The following MEGF10 variants were observed in gnomAD, a reference collection of about 807,000 sequenced individuals.
MEGF10 encodes the protein multiple EGF like domains 10.
In MEGF10, 86 loss-of-function variants were observed where a neutral mutation model predicts 147.5. The observed-to-expected ratio is 0.58, with a 90% CI of 0.49 to 0.70. MEGF10 has a LOEUF of 0.70. MEGF10 is among the 30% of genes least tolerant of loss of function. The pLI, the probability that MEGF10 is intolerant of heterozygous loss-of-function variation, is 0.00. For missense variants in MEGF10, 1,329 were observed against 1,487.3 expected (o/e 0.89, Z 1.75); for synonymous variants, 478 against 525.5 (o/e 0.91, Z 1.24).
intron 4 of MEGF10, among the ~76,000 whole-genome samples, chr5:127,364,489 T>C (rs1354807066): frequency 6.6e-6 from 1 of 152,240 alleles, no homozygotes; most frequent in African/African-American, 2.4e-5. Context: ...CAGTCTGCCA[T>C]CTTAATATAC....
intron 4 of MEGF10, among the ~76,000 whole-genome samples, chr5:127,348,551 G>A (rs554185389): frequency 6.6e-6 from 1 of 152,232 alleles, no homozygotes; most frequent in South Asian, 2.1e-4. Flanking sequence ...GCTTCTATAT[G>A]TGTAGGTGGG....
At chr5:127,235,582 T>C in the MEGF10 span, among the ~76,000 whole-genome samples, 1 of 152,258 alleles carries the variant, frequency 6.6e-6, no homozygotes, top group Non-Finnish European at 1.5e-5. Flanking sequence ...TCTGCAGCTC[T>C]CTGCGGTAAT....
At chr5:127,365,484 C>A (rs1762619413) in intron 4 of MEGF10, among the ~76,000 whole-genome samples, 1 of 152,204 alleles carries the variant, frequency 6.6e-6, no homozygotes, top group Admixed American at 6.5e-5. Context: ...GATTTAGGAA[C>A]TGAGACTGAA....
chr5:127,380,545 T>G (rs1763212369), intron 5 of MEGF10, among the ~76,000 whole-genome samples: 1 of 149,530 alleles, frequency 6.7e-6, no homozygotes, highest in Admixed American at 6.7e-5. Context: ...TGAGATGGAG[T>G]CTCGCATTGT....
intron 1 of MEGF10, among the ~76,000 whole-genome samples, chr5:127,308,583 A>G (rs1760118185): frequency 6.6e-6 from 1 of 152,184 alleles, no homozygotes; most frequent in African/African-American, 2.4e-5. Flanking sequence ...TGAAGCTGGA[A>G]ACCATCATTC....
At chr5:127,357,643 GGAGA>G (rs968368743) in intron 4 of MEGF10, among the ~76,000 whole-genome samples, 14 of 144,444 alleles carry the variant, frequency 9.7e-5, no homozygotes, top group South Asian at 4.4e-4. Flanking sequence ...TTTAAAAACA[GGAGA>G]AAGAAAAAAA....
chr5:127,426,262 C>G (rs1041138396), intron 13 of MEGF10, among the ~76,000 whole-genome samples: 1 of 152,096 alleles, frequency 6.6e-6, no homozygotes, highest in African/African-American at 2.4e-5. Context: ...GGAACTGAGG[C>G]TTTTTTATTT....
In MEGF10 at chr5:127,435,374, C is replaced by A. The variant is rs372838715; in HGVS notation, c.1989C>A (p.Gly663=). 1.2e-6 allele frequency: 2 copies of A among 1,613,808 alleles called. No homozygotes were observed. The highest frequency in any genetic ancestry group is 2.7e-5 in the African/African-American group (2 of 74,912). Residue 663 remains glycine (G), a synonymous_variant, in exon 16 of 25, where the codon GGC becomes GGA. Coordinates refer to ENST00000503335, the MANE Select transcript of MEGF10 (RefSeq NM_001256545.2). ...GCTTATTCACAGTGTGTCCCAGTGG[C>A]AGATTTGGGAAAAACTGTGCAGGAA... ...GALCNEVCPS[G]RFGKNCAGIC... is the part of the protein sequence containing the mutation.
At chr5:127,413,787 T>C (rs1380385323) in intron 9 of MEGF10, among the ~76,000 whole-genome samples, 1 of 152,208 alleles carries the variant, frequency 6.6e-6, no homozygotes, top group African/African-American at 2.4e-5. Flanking sequence ...CATCTAATTA[T>C]AAATTGCAGA....
intron 9 of MEGF10, 25 bp downstream of exon 9, chr5:127,410,626 G>C: frequency 6.4e-7 from 1 of 1,560,526 alleles, no homozygotes; most frequent in Non-Finnish European, 8.7e-7. Flanking sequence ...CCCCTGGAAG[G>C]ACGTGTCCTG....
chr5:127,328,098 T>C (rs1455905812), intron 1 of MEGF10, among the ~76,000 whole-genome samples: 1 of 152,178 alleles, frequency 6.6e-6, no homozygotes, highest in Non-Finnish European at 1.5e-5. Flanking sequence ...AATCCATGTT[T>C]CCTAATTTAG....
chr5:127,460,492 AG>A lies in MEGF10; in HGVS notation c.*3176del, dbSNP rs1766524389. On this transcript the variant is annotated 3_prime_UTR_variant, in exon 25 of 25. Transcript: ENST00000503335. The stretch of plus-strand genomic sequence containing the variant: ...AAAACCAACCATAGAACTTTATAAT[AG>A]GACAGTTATAACCTGACTGAACCAA... 1 of 152,202 alleles carries A rather than the reference AG, an allele frequency of 6.6e-6. No individual in the cohort carries two copies. The highest frequency in any genetic ancestry group is 2.1e-4 in the South Asian group (1 of 4,832). 9.4% of individuals were successfully genotyped at this position (152,202 alleles called of 1,614,324 possible).
intron 5 of MEGF10, among the ~76,000 whole-genome samples, chr5:127,371,768 C>G (rs2126865360): frequency 6.6e-6 from 1 of 152,262 alleles, no homozygotes; most frequent in South Asian, 2.1e-4. Context: ...AATGAAGACT[C>G]TAGAATTCTG....
chr5:127,291,608 T>C (rs752550000), intron 1 of MEGF10, among the ~76,000 whole-genome samples: 5 of 152,164 alleles, frequency 3.3e-5, no homozygotes, highest in Non-Finnish European at 2.9e-5. Context: ...GTCGCAGTCT[T>C]AGACCAAAGG....
Position 127,340,618 on chromosome 5 carries a change from G to A in MEGF10, c.307G>A (p.Glu103Lys), listed in dbSNP as rs1302228290. The change falls in exon 4 of 25, where the codon GAA (glutamate) becomes AAA (lysine). Residue 103 changes from glutamate to lysine, a missense_variant. Around this residue, in one of 3 missense-constraint regions of MEGF10, gnomAD observed 980 missense variants for 1,085.9 expected, o/e 0.90. Coordinates refer to ENST00000503335, the MANE Select transcript of MEGF10 (RefSeq NM_001256545.2). ...QCCPGFYESG[E>K]MCVPHCADKC... ...TTGTCCTGGATTTTATGAAAGCGGG[G>A]AAATGTGTGTCCGTAAGTAAGACTG... 5.6e-6 allele frequency: 9 copies of A among 1,612,430 alleles called. No homozygotes were observed. The highest frequency in any genetic ancestry group is 4.5e-5 in the East Asian group (2 of 44,862).
At chr5:127,410,303 G>C in intron 8 of MEGF10, 86 bp from the exon 9 acceptor site, 1 of 1,269,576 alleles carries the variant, frequency 7.9e-7, no homozygotes, top group Admixed American at 1.9e-5. Flanking sequence ...TTCGATTTAT[G>C]CATAACAAAG....
At chr5:127,424,242 C>T in intron 13 of MEGF10, 1 of 673,196 alleles carries the variant, frequency 1.5e-6, no homozygotes, top group Non-Finnish European at 2.7e-6. Flanking sequence ...TATATCTCTC[C>T]TTATGCCAGC....
rs558022725 is a variant in MEGF10, at chr5:127,439,993, A to C, written c.2234-746A>C. On this transcript the variant is annotated intron_variant, in intron 17 of 24. Transcript: ENST00000503335. ...ATAAGAAAATGAGAAAATGAAAAGCATATGTAATATTTGGAAACAATCATT... is the reference window on the plus strand; with the variant it reads ...ATAAGAAAATGAGAAAATGAAAAGCCTATGTAATATTTGGAAACAATCATT... Among the ~76,000 whole-genome samples, 26 of 152,362 alleles carry C rather than the reference A, an allele frequency of 1.7e-4. No homozygotes were observed. In the South Asian group the frequency reaches 5.4e-3, roughly 32 times the overall value.
At chr5:127,438,358 A>ATG in intron 16 of MEGF10, 81 bp from the exon 17 acceptor site, 1 of 1,452,196 alleles carries the variant, frequency 6.9e-7, no homozygotes, top group Non-Finnish European at 9.5e-7. Flanking sequence ...ATGCAGGGAG[A>ATG]TGTGTAGAGG....
Sources: gnomAD v4.1 joint callset for allele counts (sites outside exome capture counted in the v4.1 genomes callset) on GRCh38, gnomAD v4.1.1 for gene constraint, gnomAD v4.1.1 regional missense constraint, MANE v1.5 for transcripts, NCBI Gene and HGNC (gene_info 2026-07-23, HGNC 2026-07-21) for gene names.